The following XKR9 variants were observed in gnomAD, a reference collection of about 807,000 sequenced individuals.
XKR9 encodes the protein XK-related protein 9.
XKR9 carries 32 observed loss-of-function variants against 32.0 expected under a neutral mutation model. The observed-to-expected ratio is 1.00, with a 90% CI of 0.76 to 1.34. The LOEUF (loss-of-function observed/expected upper bound fraction) is 1.34, where lower values mean the gene tolerates loss of function less well. Among genes scored for constraint, XKR9 ranks in the 40% most tolerant of loss-of-function variants. The probability of loss-of-function intolerance (pLI) is 0.00; values close to 1 mark genes in which losing one functional copy is unlikely to be tolerated. For synonymous variants in XKR9, 168 were observed against 143.4 expected (o/e 1.17, Z -1.22); for missense variants, 546 against 429.7 (o/e 1.27, Z -2.39).
chr8:70,710,432 G>T (rs897145963), intron 4 of XKR9, among the ~76,000 whole-genome samples: 1 of 152,144 alleles, frequency 6.6e-6, no homozygotes, highest in Non-Finnish European at 1.5e-5. Context: ...TGGGCACTGT[G>T]GCTCATGCCT....
rs980493615 is a variant in XKR9, at chr8:70,755,298, T to G, written n.353-34041T>G. Among the ~76,000 whole-genome samples, 45 of 152,186 alleles carry G rather than the reference T, an allele frequency of 3.0e-4. 1 individual carries two copies. Among genetic ancestry groups the G allele is most frequent in the Non-Finnish European group, 4.4e-4 (30 of 68,014 alleles). ...GGATGTGGAGAAATAGGAACACTTTTACACTGTTGCTGGGACTGTAAACTA... is the reference window on the plus strand; with the variant it reads ...GGATGTGGAGAAATAGGAACACTTTGACACTGTTGCTGGGACTGTAAACTA... On this transcript the variant is annotated intron_variant and non_coding_transcript_variant, in intron 2 of 3. Coordinates refer to the XKR9 transcript ENST00000520273.
chr8:70,733,163 T>A (rs1272220225), intron 4 of XKR9, among the ~76,000 whole-genome samples: 1 of 152,166 alleles, frequency 6.6e-6, no homozygotes, highest in East Asian at 1.9e-4. Context: ...TGTTATTTGC[T>A]GAGAAAAAAT....
the XKR9 span, among the ~76,000 whole-genome samples, chr8:70,956,796 G>A: frequency 2.0e-5 from 3 of 152,208 alleles, no homozygotes; most frequent in African/African-American, 7.2e-5. Flanking sequence ...CCCCAGAGTG[G>A]GTGTCGGGAG....
downstream of XKR9, among the ~76,000 whole-genome samples, chr8:70,740,371 A>G (rs1806949211): frequency 1.3e-5 from 2 of 152,010 alleles, no homozygotes; most frequent in Admixed American, 1.3e-4. Flanking sequence ...ACATTTGTCT[A>G]AATTTTTTTC....
chr8:70,733,661 AAGATT>A, intron 4 of XKR9, 130 bp from the exon 5 acceptor site: 1 of 864,966 alleles, frequency 1.2e-6, no homozygotes, highest in Non-Finnish European at 1.6e-6. Flanking sequence ...TCTACTTCAA[AAGATT>A]AGATGAGAAG....
the XKR9 span, among the ~76,000 whole-genome samples, chr8:70,847,763 C>T: frequency 6.6e-6 from 1 of 151,904 alleles, no homozygotes; most frequent in Admixed American, 6.5e-5. Context: ...CTACCAAGAT[C>T]AAACCATGAA....
the XKR9 span, among the ~76,000 whole-genome samples, chr8:71,008,047 A>G: frequency 3.9e-5 from 6 of 152,208 alleles, no homozygotes; most frequent in Non-Finnish European, 8.8e-5. Flanking sequence ...TAAATGATTG[A>G]AAGAACCAAA....
chr8:70,975,029 G>A, the XKR9 span, among the ~76,000 whole-genome samples: 1 of 152,114 alleles, frequency 6.6e-6, no homozygotes, highest in African/African-American at 2.4e-5. Flanking sequence ...TGGCTGCATA[G>A]ATGTCTTCTT....
chr8:70,675,246 C>T (rs993376507), intron 2 of XKR9, among the ~76,000 whole-genome samples: 6 of 152,052 alleles, frequency 3.9e-5, no homozygotes, highest in Admixed American at 6.5e-5. Flanking sequence ...CCCAATATGG[C>T]GAAACCCCGT....
the XKR9 span, among the ~76,000 whole-genome samples, chr8:70,871,189 A>G: frequency 5.8e-4 from 89 of 152,296 alleles, 1 homozygote; most frequent in South Asian, 6.6e-3. Flanking sequence ...TTACTAATTC[A>G]TATATGTATT....
At chr8:70,752,892 C>T (rs966896830) in intron 2 of XKR9, among the ~76,000 whole-genome samples, 1 of 152,226 alleles carries the variant, frequency 6.6e-6, no homozygotes, top group Non-Finnish European at 1.5e-5. Flanking sequence ...CAAAAGCTAG[C>T]AGAAGGCAAG....
intron 4 of XKR9, among the ~76,000 whole-genome samples, chr8:70,720,155 C>T (rs1029555011): frequency 3.3e-5 from 5 of 152,104 alleles, no homozygotes; most frequent in Non-Finnish European, 5.9e-5. Context: ...ATTTTGTATC[C>T]TGAGACTTTG....
At chr8:71,046,713 C>A in the XKR9 span, among the ~76,000 whole-genome samples, 1 of 152,138 alleles carries the variant, frequency 6.6e-6, no homozygotes, top group Non-Finnish European at 1.5e-5. Context: ...GAGTAAAAAA[C>A]CTTAAGAGAT....
downstream of XKR9, among the ~76,000 whole-genome samples, chr8:70,740,133 A>G (rs977616113): frequency 7.2e-5 from 11 of 152,170 alleles, no homozygotes; most frequent in Middle Eastern, 3.2e-3. Flanking sequence ...GTCTTTTCAC[A>G]TAGTCCCATA....
rs751295987 is a variant in XKR9 at position 70,706,965 on chromosome 8, C to A, written c.305C>A (p.Ala102Glu). The A allele has an allele frequency of 3.7e-6, 6 of 1,612,682 alleles. No individual in the cohort carries two copies. Among genetic ancestry groups the A allele is most frequent in the Non-Finnish European group, 5.1e-6 (6 of 1,179,150 alleles). ...TTTGCCTTAAAAAGGGGTTACCATG[C>A]AGCTTTTAAATATGACAGCAATACT... ...YWFALKRGYH[A>E]AFKYDSNTSN... Residue 102 changes from alanine to glutamate, a missense_variant, in exon 4 of 5, where the codon GCA (alanine) becomes GAA (glutamate). Ala to Glu is a moderately radical substitution (Grantham distance 107). Transcript: ENST00000408926.
At chr8:70,687,080 A>G (rs146856826) in intron 3 of XKR9, among the ~76,000 whole-genome samples, 7 of 123,482 alleles carry the variant, frequency 5.7e-5, no homozygotes, top group African/African-American at 1.6e-4. Context: ...TTGTGCACCC[A>G]TTAACCATCC....
the XKR9 span, among the ~76,000 whole-genome samples, chr8:70,982,974 G>A: frequency 6.6e-6 from 1 of 152,298 alleles, no homozygotes; most frequent in East Asian, 1.9e-4. Context: ...TGCACGTTAG[G>A]TTGTCAGCTG....
chr8:70,965,688 T>C, the XKR9 span, among the ~76,000 whole-genome samples: 1 of 152,242 alleles, frequency 6.6e-6, no homozygotes, highest in Non-Finnish European at 1.5e-5. Flanking sequence ...TGGGATAGTG[T>C]ATGTGTCCAG....
rs1428453114 is a variant in XKR9 at position 70,707,210 on chromosome 8, T to G, written c.493+57T>G. ...GATGCCACTGAGACCTTACGTCAAC[T>G]ATATAAATCTTTGGCTGACTTTAGA... On this transcript the variant is annotated intron_variant, in intron 4 of 4. Coordinates refer to ENST00000408926, the MANE Select transcript of XKR9 (RefSeq NM_001011720.2). The G allele has an allele frequency of 1.0e-5, 14 of 1,353,612 alleles. No individual in the cohort carries two copies. The Admixed American group carries it at 3.1e-4, about 30-fold the overall frequency. The allele number at this position is 1,353,612 out of a possible 1,614,324, so 83.9% of individuals were successfully genotyped here. A position where few individuals can be genotyped will look rare whatever the true frequency, so the allele number is the denominator to read the frequency against.
Sources: allele counts gnomAD v4.1 joint callset (sites outside exome capture counted in the v4.1 genomes callset), GRCh38; gene constraint gnomAD v4.1.1; transcripts MANE v1.5; gene names NCBI Gene and HGNC (gene_info 2026-07-23, HGNC 2026-07-21).